The following SMG1 variants were observed in gnomAD, a reference collection of about 807,000 sequenced individuals.
SMG1 encodes the protein SMG1 nonsense mediated mRNA decay associated PI3K related kinase, also known as serine/threonine-protein kinase SMG1.
A neutral mutation model predicts 419.9 loss-of-function variants in SMG1; 22 were observed. The observed-to-expected ratio is 0.05, with a 90% confidence interval of 0.04 to 0.07. The LOEUF is 0.07. Ranked by LOEUF, SMG1 falls within the 10% of genes least tolerant of loss-of-function variation. SMG1 has a pLI of 1.00. For missense variants in SMG1, 3,185 were observed against 4,342.0 expected, an observed-to-expected ratio of 0.73 and a Z score of 7.49; for synonymous variants, 1,538 against 1,553.5, an observed-to-expected ratio of 0.99 and a Z score of 0.23.
rs1377672071 is a variant in SMG1, at chr16:18,829,655, C to T, written c.9234G>A (p.Met3078Ile). Residue 3078 changes from methionine to isoleucine, a missense_variant, in exon 54 of 63, where the codon ATG becomes ATA. Around this residue, in one of 27 missense-constraint regions of SMG1, gnomAD observed 737 missense variants for 846.6 expected, o/e 0.87. Coordinates refer to ENST00000446231, the MANE Select transcript of SMG1 (RefSeq NM_015092.5). The part of the protein sequence containing the change: ...FRNSCFSEDQ[M>I]AKPIKAFTAD... ...CTGTGAATGCCTTGATAGGTTTGGCCATTTGGTCTTCACTGAAACAAGAGT... is the reference window on the plus strand; with the variant it reads ...CTGTGAATGCCTTGATAGGTTTGGCTATTTGGTCTTCACTGAAACAAGAGT... 6.2e-7 allele frequency: 1 copy of T among 1,613,860 alleles called. No individual in the cohort carries two copies. Among genetic ancestry groups the T allele is most frequent in the Non-Finnish European group, 8.5e-7 (1 of 1,179,898 alleles).
In SMG1 at chr16:18,903,934, CTTTTTTTT is replaced by C. The variant is rs71141091; in HGVS notation, c.93-6986_93-6979del. Among the ~76,000 whole-genome samples, 55 of 99,852 alleles carry C rather than the reference CTTTTTTTT, an allele frequency of 5.5e-4. No individual in the cohort carries two copies. The East Asian group carries it at 9.8e-3, about 18-fold the overall frequency. The allele number at this position is 99,852 out of a possible 152,430, so 65.5% of individuals were successfully genotyped here. ...CCCCATTTTCCAAGGTATGTCTTGT[CTTTTTTTT>C]TTTTTTTTTTTTTGAGATGTAGTCT... On this transcript the variant is annotated intron_variant, in intron 1 of 62. Transcript: ENST00000446231.
Position 18,845,606 on chromosome 16 carries a change from C to T in SMG1, c.6042G>A (p.Met2014Ile). The change falls in exon 39 of 63, where the codon ATG becomes ATA. Residue 2014 changes from methionine to isoleucine, a missense_variant. Physicochemically the swap from Met to Ile is conservative, Grantham distance 10 (BLOSUM62 1). Coordinates refer to ENST00000446231, the MANE Select transcript of SMG1 (RefSeq NM_015092.5). ...GCTCCAAAGCAAATACGATGGGCTTCATCAAAGCTGTGTGCTTCTCCCTCA... is the reference window on the plus strand; with the variant it reads ...GCTCCAAAGCAAATACGATGGGCTTTATCAAAGCTGTGTGCTTCTCCCTCA... The part of the protein sequence containing the change: ...AIMREKHTAL[M>I]KPIVFALEHV... The T allele has an allele frequency of 2.5e-6, 4 of 1,613,162 alleles. No individual in the cohort carries two copies. The highest frequency in any genetic ancestry group is 3.4e-6 in the Non-Finnish European group (4 of 1,179,860).
chr16:18,880,720 A>AGGG (rs751761287), intron 10 of SMG1, among the ~76,000 whole-genome samples: 10 of 34,602 alleles, frequency 2.9e-4, no homozygotes, highest in African/African-American at 1.2e-3. Context: ...CCAAAAAAAA[A>AGGG]AGGGGGGGGG....
Position 18,852,083 on chromosome 16 carries a change from C to A in SMG1, c.5036G>T (p.Arg1679Leu), listed in dbSNP as rs371946911. The change falls in exon 33 of 63, where the codon CGG (arginine) becomes CTG (leucine). Residue 1679 changes from arginine (R) to leucine (L), a missense_variant. Transcript: ENST00000446231. ...IYGILGQAVC[R>L]PAGIQDEDIT... ...TTTCCTTGCCTGAATCCCCGCCGGC[C>A]GACACACAGCCTGTCCAAGAATACC... 1 of 1,609,484 alleles carries A rather than the reference C, an allele frequency of 6.2e-7. No individual in the cohort carries two copies. The highest frequency in any genetic ancestry group is 8.5e-7 in the Non-Finnish European group (1 of 1,178,316).
intron 62 of SMG1, among the ~76,000 whole-genome samples, chr16:18,810,438 A>G (rs2031274752): frequency 6.6e-6 from 1 of 152,242 alleles, no homozygotes; most frequent in African/African-American, 2.4e-5. Flanking sequence ...ACTGTTCTAG[A>G]TATTAAAGCA....
intron 1 of SMG1, among the ~76,000 whole-genome samples, chr16:18,899,419 A>C (rs562303687): frequency 2.0e-5 from 3 of 152,172 alleles, no homozygotes; most frequent in Admixed American, 2.0e-4. Flanking sequence ...AGAAATACCT[A>C]AAAACTCCCT....
Position 18,868,299 on chromosome 16 carries a change from C to T in SMG1, c.3086G>A (p.Arg1029Gln). 2 of 1,481,612 alleles carry T rather than the reference C, an allele frequency of 1.3e-6. No individual in the cohort carries two copies. Among genetic ancestry groups the T allele is most frequent in the South Asian group, 1.2e-5 (1 of 83,298 alleles). The allele number at this position is 1,481,612 out of a possible 1,614,324, so 91.8% of individuals were successfully genotyped here. ...TACCCTCATGATGGAGAGTCGAATC[C>T]GCGTTAGCCAGTCCTGACAAGTTTG... ...NRQTCQDWLT[R>Q]IRLSIMRVGL... Residue 1029 changes from arginine to glutamine, a missense_variant, in exon 22 of 63, where the codon CGG becomes CAG. This residue lies in a region of SMG1 where 70 missense variants were observed against 185.7 expected (regional missense o/e 0.38). Coordinates refer to ENST00000446231, the MANE Select transcript of SMG1 (RefSeq NM_015092.5).
Position 18,896,243 on chromosome 16 carries a change from T to C in SMG1, c.257-36A>G, listed in dbSNP as rs576487918. 4.9e-5 allele frequency: 62 copies of C among 1,255,684 alleles called. 2 individuals are homozygous for C. Among genetic ancestry groups the C allele is most frequent in the South Asian group, 2.5e-4 (21 of 82,694 alleles). 77.8% of individuals were successfully genotyped at this position (1,255,684 alleles called of 1,614,324 possible). ...CAATGTGTACGTTATTTAAATATGA[T>C]TGTTCGTTTCATTCAGTCAATTTCC... On this transcript the variant is annotated intron_variant, in intron 2 of 62. Coordinates refer to ENST00000446231, the MANE Select transcript of SMG1 (RefSeq NM_015092.5).
chr16:18,841,909 C>T, intron 40 of SMG1, 115 bp from the exon 41 acceptor site: 1 of 872,446 alleles, frequency 1.1e-6, no homozygotes, highest in Non-Finnish European at 1.9e-6. Flanking sequence ...ATGAGGCACA[C>T]TGAGAGCATT....
chr16:18,837,489 T>C lies in SMG1; in HGVS notation c.7414-46A>G, dbSNP rs761590095. 28 of 1,505,962 alleles carry C rather than the reference T, an allele frequency of 1.9e-5. No homozygotes were observed. In the South Asian group the frequency reaches 2.6e-4, roughly 14 times the overall value. 93.3% of individuals were successfully genotyped at this position (1,505,962 alleles called of 1,614,324 possible). On this transcript the variant is annotated intron_variant, in intron 45 of 62. Coordinates refer to ENST00000446231, the MANE Select transcript of SMG1 (RefSeq NM_015092.5). ...TAAGAAGACTCTTACAGGGCCAATT[T>C]TGAGACACAACAGTGTCAGAAGAAC...
At chr16:18,834,517 C>A in intron 49 of SMG1, 79 bp from the exon 50 acceptor site, 1 of 1,353,656 alleles carries the variant, frequency 7.4e-7, no homozygotes, top group South Asian at 1.3e-5. Context: ...AAGGCCATGC[C>A]TGTAATTCCA....
chr16:18,817,203 C>T (rs1419641729), intron 57 of SMG1, 88 bp downstream of exon 57: 8 of 1,101,730 alleles, frequency 7.3e-6, no homozygotes, highest in South Asian at 4.1e-5. Context: ...ATATGCTCAA[C>T]GAATGTAATC....
At chr16:18,820,922 G>A (rs976013948) in intron 55 of SMG1, among the ~76,000 whole-genome samples, 8 of 152,124 alleles carry the variant, frequency 5.3e-5, no homozygotes, top group African/African-American at 1.2e-4. Context: ...ATTAAGGCAA[G>A]TTTCTCTTAT....
At chr16:18,896,378 C>A (rs1440147064) in intron 2 of SMG1, among the ~76,000 whole-genome samples, 171 bp from the exon 3 acceptor site, 17 of 152,158 alleles carry the variant, frequency 1.1e-4, no homozygotes, top group Non-Finnish European at 2.2e-4. Flanking sequence ...TTTTAATACA[C>A]CTTTGAAGTT....
chr16:18,849,600 A>T (rs1201566812), intron 35 of SMG1, among the ~76,000 whole-genome samples: 2 of 152,216 alleles, frequency 1.3e-5, no homozygotes, highest in Non-Finnish European at 2.9e-5. Context: ...ATCAAAGTCC[A>T]GGGCAGCTCA....
chr16:18,911,673 C>A (rs1448080496), intron 1 of SMG1: 3 of 151,884 alleles, frequency 2.0e-5, no homozygotes, highest in Admixed American at 2.0e-4. Context: ...CAGAGGGACA[C>A]AGCTGGTAGT....
rs1315214495 is a variant in SMG1, at chr16:18,842,191, G to A, written c.6466+17C>T. The stretch of plus-strand genomic sequence containing the variant: ...ACTAATACTCTTCTGAAAAATGGAG[G>A]AAGTCTTAAATCCTACCTTTGAAAA... On this transcript the variant is annotated intron_variant, in intron 40 of 62. Coordinates refer to ENST00000446231, the MANE Select transcript of SMG1 (RefSeq NM_015092.5). 3 of 1,602,518 alleles carry A rather than the reference G, an allele frequency of 1.9e-6. No individual in the cohort carries two copies. Among genetic ancestry groups the A allele is most frequent in the African/African-American group, 1.3e-5 (1 of 74,712 alleles).
At chr16:18,829,183 AG>A (rs1417084367) in intron 54 of SMG1, 102 bp downstream of exon 54, 3 of 960,394 alleles carry the variant, frequency 3.1e-6, no homozygotes, top group Non-Finnish European at 4.5e-6. Flanking sequence ...CTGTGAGTTC[AG>A]GAAGTTTTAA....
intron 9 of SMG1, among the ~76,000 whole-genome samples, chr16:18,882,544 C>T (rs1252970281): frequency 4.6e-5 from 7 of 152,112 alleles, no homozygotes; most frequent in Non-Finnish European, 7.3e-5. Context: ...TTAAACCCAA[C>T]AGACAACAAA....
Sources: gnomAD v4.1 joint callset for allele counts (sites outside exome capture counted in the v4.1 genomes callset) on GRCh38, gnomAD v4.1.1 for gene constraint, gnomAD v4.1.1 regional missense constraint, MANE v1.5 for transcripts, NCBI Gene and HGNC (gene_info 2026-07-23, HGNC 2026-07-21) for gene names.